The following TDRKH variants were observed in gnomAD, a reference collection of about 807,000 sequenced individuals.
The protein encoded by TDRKH is tudor and KH domain containing, also known as tudor and KH domain-containing protein.
Under a neutral mutation model 61.3 loss-of-function variants are expected in TDRKH, and 28 were observed. The ratio of observed to expected loss-of-function variants is 0.46; its 90% confidence interval spans 0.34 to 0.63. The LOEUF (loss-of-function observed/expected upper bound fraction) is 0.63, where lower values mean the gene tolerates loss of function less well. TDRKH is among the 20% of genes least tolerant of loss of function. TDRKH has a pLI of 0.01. For missense variants in TDRKH, 540 were observed against 683.4 expected, an observed-to-expected ratio of 0.79 and a Z score of 2.34; for synonymous variants, 219 against 244.4, an observed-to-expected ratio of 0.90 and a Z score of 0.97.
At chr1:151,774,607 C>CCGT in intron 12 of TDRKH, 103 bp from the exon 13 acceptor site, 1 of 1,577,712 alleles carries the variant, frequency 6.3e-7, no homozygotes, top group East Asian at 2.2e-5. Flanking sequence ...TACTCAATGA[C>CCGT]CTGACTAGGA....
Position 151,774,367 on chromosome 1 carries a change from C to T in TDRKH, c.*85G>A. On this transcript the variant is annotated 3_prime_UTR_variant, in exon 13 of 13. Coordinates refer to ENST00000368824, the MANE Select transcript of TDRKH (RefSeq NM_001083965.2). ...ATCAAAGCAAGTGCCCCACTGTCGC[C>T]CTCATTACTTTCCTGTTGCTACAGA... The T allele has an allele frequency of 6.9e-7, 1 of 1,458,640 alleles. No individual in the cohort carries two copies. The highest frequency in any genetic ancestry group is 9.5e-7 in the Non-Finnish European group (1 of 1,052,890). The allele number at this position is 1,458,640 out of a possible 1,614,324, so 90.4% of individuals were successfully genotyped here. A position where few individuals can be genotyped will look rare whatever the true frequency, so the allele number is the denominator to read the frequency against.
At chr1:151,778,418 A>G (rs1038680485) in intron 6 of TDRKH, among the ~76,000 whole-genome samples, 1 of 152,206 alleles carries the variant, frequency 6.6e-6, no homozygotes, top group Non-Finnish European at 1.5e-5. Context: ...AGAGGCACCA[A>G]GTTCTCTCCT....
rs763885327 is a variant in TDRKH, at chr1:151,776,129, C to T, written c.1184G>A (p.Gly395Glu). Residue 395 changes from glycine (G) to glutamate (E), a missense_variant, in exon 8 of 13, where the codon GGA (glycine) becomes GAA (glutamate). By Grantham distance (98) the Gly-to-Glu change is moderately conservative (BLOSUM62 -2). Around this residue, in one of 3 missense-constraint regions of TDRKH, gnomAD observed 379 missense variants for 443.8 expected, o/e 0.85. Coordinates refer to ENST00000368824, the MANE Select transcript of TDRKH (RefSeq NM_001083965.2). ...DLYFVDFGDNGDCPLKDLRAL... is the reference protein window; with the variant it reads ...DLYFVDFGDNEDCPLKDLRAL... ...CCTGAGGTCCTTCAGTGGGCAATCT[C>T]CATTATCTCCAAAGTCAACAAAATA... is the stretch of plus-strand genomic sequence containing the variant. 3.7e-6 allele frequency: 6 copies of T among 1,614,084 alleles called. No individual in the cohort carries two copies. The East Asian group carries it at 1.1e-4, about 30-fold the overall frequency.
At chr1:151,770,078 A>AGAGAGGGAGAGGGAGACCATGGGGAGACG, downstream of TDRKH, 3 of 449,920 alleles carry the variant, frequency 6.7e-6, no homozygotes, top group Non-Finnish European at 1.1e-5. Context: ...GACCGTGGAG[A>AGAGAGGGAGAGGGAGACCATGGGGAGACG]GAGAGGGAGA....
In TDRKH at chr1:151,777,306, T is replaced by C. The variant is rs189473141; in HGVS notation, c.884-707A>G. On this transcript the variant is annotated intron_variant, in intron 6 of 12. Transcript: ENST00000368824. ...CTAAAAAATACAAAAATCAGTCGGA[T>C]GTGGTGGTGTGCACCTGTGGTCTCA... Among the ~76,000 whole-genome samples, 155 of 152,184 alleles carry C rather than the reference T, an allele frequency of 1.0e-3. 1 individual carries two copies. Among genetic ancestry groups the C allele is most frequent in the Middle Eastern group, 3.4e-3 (1 of 294 alleles).
chr1:151,778,786 A>T lies in TDRKH; in HGVS notation c.782T>A (p.Met261Lys). The T allele has an allele frequency of 6.2e-7, 1 of 1,614,208 alleles. No individual in the cohort carries two copies. The highest frequency in any genetic ancestry group is 8.5e-7 in the Non-Finnish European group (1 of 1,180,032). ...VTPPPKGGGD[M>K]AVVVSKEGSW... is the part of the protein sequence containing the mutation. ...ACCTTCCTTTGACACTACCACAGCC[A>T]TGTCGCCTCCTCCTTTGGGTGGAGG... Residue 261 changes from methionine (M) to lysine (K), a missense_variant, in exon 6 of 13, where the codon ATG becomes AAG. Transcript: ENST00000368824.
At chr1:151,785,703 T>C (rs1469446191) in intron 1 of TDRKH, among the ~76,000 whole-genome samples, 1 of 152,236 alleles carries the variant, frequency 6.6e-6, no homozygotes, top group African/African-American at 2.4e-5. Context: ...AAAGTGATTT[T>C]AGAAATCCTT....
At chr1:151,768,248 A>C (rs758722668), downstream of TDRKH, 6 of 1,601,320 alleles carry the variant, frequency 3.7e-6, no homozygotes, top group East Asian at 1.3e-4. Context: ...CTGAGCCTGG[A>C]TGGGAGAATG....
In TDRKH at chr1:151,779,604, G is replaced by A. The variant is rs568472060; in HGVS notation, c.421+347C>T. The stretch of plus-strand genomic sequence containing the variant: ...GCCTCTAACAGCAGCACTAAGCAAT[G>A]CTCTAGGGGAAAGCATAAAAGGTAC... On this transcript the variant is annotated intron_variant, in intron 4 of 12. Coordinates refer to ENST00000368824, the MANE Select transcript of TDRKH (RefSeq NM_001083965.2). 24 of 374,462 alleles carry A rather than the reference G, an allele frequency of 6.4e-5. No individual in the cohort carries two copies. In the South Asian group the frequency reaches 1.2e-3, roughly 19 times the overall value. The allele number at this position is 374,462 out of a possible 1,614,324, so 23.2% of individuals were successfully genotyped here. A position where few individuals can be genotyped will look rare whatever the true frequency, so the allele number is the denominator to read the frequency against.
chr1:151,782,458 A>AG (rs1180216657), intron 2 of TDRKH, among the ~76,000 whole-genome samples: 1 of 151,908 alleles, frequency 6.6e-6, no homozygotes, highest in East Asian at 1.9e-4. Context: ...AAGAAAAAAA[A>AG]AAGACTAAAT....
chr1:151,771,821 G>A (rs1648721071), downstream of TDRKH: 1 of 397,552 alleles, frequency 2.5e-6, no homozygotes, highest in African/African-American at 2.1e-5. Context: ...TTTATACATA[G>A]TAACAAACTG....
chr1:151,789,068 G>C (rs932814901), intron 1 of TDRKH, among the ~76,000 whole-genome samples: 4 of 152,174 alleles, frequency 2.6e-5, no homozygotes, highest in Non-Finnish European at 5.9e-5. Context: ...TGTTTATTTA[G>C]AGACAGAGCC....
At chr1:151,773,366 G>A (rs1315338850), downstream of TDRKH, 1 of 152,620 alleles carries the variant, frequency 6.6e-6, no homozygotes, top group Admixed American at 6.5e-5. Context: ...GAATATGAAT[G>A]TGTATATGGG....
downstream of TDRKH, chr1:151,767,633 T>G: frequency 3.3e-6 from 1 of 301,718 alleles, no homozygotes. Flanking sequence ...CTTGCCCACA[T>G]ATCATATTGC....
downstream of TDRKH, chr1:151,768,323 G>C: frequency 6.6e-7 from 1 of 1,510,832 alleles, no homozygotes; most frequent in Non-Finnish European, 8.9e-7. Context: ...TAATTCTGGA[G>C]CTAGATATAA....
chr1:151,775,285 T>C, intron 10 of TDRKH, 107 bp downstream of exon 10: 1 of 1,549,304 alleles, frequency 6.5e-7, no homozygotes, highest in Admixed American at 1.8e-5. Context: ...GTGAGAAGGA[T>C]CTTACAGTAA....
intron 1 of TDRKH, among the ~76,000 whole-genome samples, chr1:151,789,604 A>G (rs1240355027): frequency 1.3e-5 from 2 of 152,238 alleles, no homozygotes; most frequent in African/African-American, 4.8e-5. Flanking sequence ...AACAATTGCC[A>G]AAAACTATCT....
rs1204235836 is a variant in TDRKH at position 151,782,062 on chromosome 1, A to G, written c.125-475T>C. The G allele has an allele frequency of 1.4e-5, 6 of 439,042 alleles. No homozygotes were observed. In the East Asian group the frequency reaches 3.5e-4, roughly 26 times the overall value. The allele number at this position is 439,042 out of a possible 1,614,324, so 27.2% of individuals were successfully genotyped here. A position where few individuals can be genotyped will look rare whatever the true frequency, so the allele number is the denominator to read the frequency against. On this transcript the variant is annotated intron_variant, in intron 2 of 12. Transcript: ENST00000368824. Reference sequence around the variant, plus strand: ...ATATATAAAAAAGATGAGTATAGAAATTAAAAAAGAACTCTTTGCTGTGTT... The same window carrying G: ...ATATATAAAAAAGATGAGTATAGAAGTTAAAAAAGAACTCTTTGCTGTGTT...
chr1:151,790,317 C>G (rs943110009), intron 1 of TDRKH, 63 bp downstream of exon 1: 1 of 152,880 alleles, frequency 6.5e-6, no homozygotes, highest in Non-Finnish European at 1.5e-5. Context: ...TTCCCTCGCT[C>G]CCGCATTTCC....
Sources: gnomAD v4.1 joint callset for allele counts (sites outside exome capture counted in the v4.1 genomes callset) on GRCh38, gnomAD v4.1.1 for gene constraint, gnomAD v4.1.1 regional missense constraint, MANE v1.5 for transcripts, NCBI Gene and HGNC (gene_info 2026-07-23, HGNC 2026-07-21) for gene names.